Variants in TNFRSF10B observed in about 807,000 individuals in gnomAD.
TNFRSF10B encodes the protein tumor necrosis factor receptor superfamily member 10B.
A neutral mutation model predicts 41.4 loss-of-function variants in TNFRSF10B; 35 were observed. That is an observed-to-expected ratio of 0.85 (90% CI 0.65 to 1.12). The LOEUF is 1.12. Ranked by LOEUF, TNFRSF10B falls within the 50% of genes most tolerant of loss-of-function variation. The pLI is 0.00. For synonymous variants in TNFRSF10B, 230 were observed against 215.5 expected, an observed-to-expected ratio of 1.07 and a Z score of -0.59; for missense variants, 584 against 552.7, an observed-to-expected ratio of 1.06 and a Z score of -0.57.
rs750099768 is a variant in TNFRSF10B at position 23,043,189 on chromosome 8, C to T, written c.199G>A (p.Ala67Thr). ...TQQDLAPQQR[A>T]APQQKRSSPS... The stretch of plus-strand genomic sequence containing the variant: ...CTGGACCTCTTTTGTTGTGGGGCCG[C>T]TCTCTGCTGGGGAGCTAGGTCTTGT... The change falls in exon 2 of 9, where the codon GCG becomes ACG. Residue 67 changes from alanine (A) to threonine (T), a missense_variant. Ala to Thr is a moderately conservative substitution (Grantham distance 58, BLOSUM62 0). Transcript: ENST00000276431. 1.2e-6 allele frequency: 2 copies of T among 1,614,124 alleles called. No individual in the cohort carries two copies. Among genetic ancestry groups the T allele is most frequent in the South Asian group, 1.1e-5 (1 of 91,074 alleles).
At chr8:23,044,167 TTAACTCAAAATGGATCCAAAATC>T (rs1812287560) in intron 1 of TNFRSF10B, among the ~76,000 whole-genome samples, 1 of 152,134 alleles carries the variant, frequency 6.6e-6, no homozygotes, top group Non-Finnish European at 1.5e-5. Flanking sequence ...TATACAAAAA[TTAACTCAAAATGGATCCAAAATC>T]TAACATAAAA....
intron 2 of TNFRSF10B, among the ~76,000 whole-genome samples, chr8:23,040,589 G>A (rs866121654): frequency 6.6e-6 from 1 of 150,706 alleles, no homozygotes; most frequent in African/African-American, 2.4e-5. Flanking sequence ...TGATAAGGGA[G>A]GAACAAAATA....
chr8:23,046,650 C>A (rs537798483), intron 1 of TNFRSF10B, among the ~76,000 whole-genome samples: 1 of 146,320 alleles, frequency 6.8e-6, no homozygotes, highest in Non-Finnish European at 1.5e-5. Context: ...ATAGCCAAGG[C>A]AATCATGATC....
rs553083921 is a variant in TNFRSF10B, at chr8:23,020,553, G to A, written c.*2118C>T. 14 of 445,654 alleles carry A rather than the reference G, an allele frequency of 3.1e-5. No homozygotes were observed. The highest frequency in any genetic ancestry group is 1.3e-4 in the South Asian group (8 of 63,590). The allele number at this position is 445,654 out of a possible 1,614,324, so 27.6% of individuals were successfully genotyped here. On this transcript the variant is annotated 3_prime_UTR_variant, in exon 9 of 9. Transcript: ENST00000276431. ...CTAAAAATACAAAAATTAGCCAGGCGTGGTGGCGGGTGCCTGCAATCCCAG... is the reference window on the plus strand; with the variant it reads ...CTAAAAATACAAAAATTAGCCAGGCATGGTGGCGGGTGCCTGCAATCCCAG...
rs1811630831 is a variant in TNFRSF10B at position 23,024,190 on chromosome 8, T to TCA, written c.1005_1006dup (p.Glu336ValfsTer4). On this transcript the variant is annotated frameshift_variant, in exon 8 of 9. Coordinates refer to ENST00000276431, the MANE Select transcript of TNFRSF10B (RefSeq NM_003842.5). LOFTEE classifies it low-confidence loss of function (END_TRUNC). ...ATCTCCAGGAGCAAAACACTTACTC[T>TCA]CAGTGGGATCACCTTCATTTGCTGG... 1 of 1,613,996 alleles carries TCA rather than the reference T, an allele frequency of 6.2e-7. No homozygotes were observed. The highest frequency in any genetic ancestry group is 8.5e-7 in the Non-Finnish European group (1 of 1,180,004).
At chr8:23,068,544 C>T in intron 1 of TNFRSF10B, 1 of 697,998 alleles carries the variant, frequency 1.4e-6, no homozygotes, top group Non-Finnish European at 2.3e-6. Context: ...GTGGAGCGCG[C>T]GCTCTGTTCC....
intron 1 of TNFRSF10B, among the ~76,000 whole-genome samples, chr8:23,051,762 C>G (rs1380647252): frequency 6.6e-6 from 1 of 152,062 alleles, no homozygotes; most frequent in Non-Finnish European, 1.5e-5. Flanking sequence ...CCAGGATGGT[C>G]TCCATCTCCT....
chr8:23,060,843 C>T (rs898546236), intron 1 of TNFRSF10B, among the ~76,000 whole-genome samples: 2 of 151,968 alleles, frequency 1.3e-5, no homozygotes, highest in Non-Finnish European at 2.9e-5. Context: ...ACTAGTCTTC[C>T]ACCTCCTTGG....
intron 1 of TNFRSF10B, among the ~76,000 whole-genome samples, chr8:23,061,718 A>G (rs186049431): frequency 5.9e-4 from 90 of 152,188 alleles, no homozygotes; most frequent in African/African-American, 2.0e-3. Context: ...TTCTATTCTT[A>G]GTTTGCTGGG....
intron 2 of TNFRSF10B, among the ~76,000 whole-genome samples, chr8:23,039,195 T>C (rs1330884873): frequency 6.6e-6 from 1 of 152,050 alleles, no homozygotes; most frequent in African/African-American, 2.4e-5. Context: ...TTTGACGGCA[T>C]GCAGAGCTCG....
At chr8:23,063,114 C>T (rs1034027175) in intron 1 of TNFRSF10B, among the ~76,000 whole-genome samples, 5 of 152,048 alleles carry the variant, frequency 3.3e-5, no homozygotes, top group African/African-American at 1.2e-4. Flanking sequence ...TTTGGGAGGC[C>T]AAGGCGGTGG....
chr8:23,063,037 C>T (rs1390145857), intron 1 of TNFRSF10B, among the ~76,000 whole-genome samples: 1 of 152,128 alleles, frequency 6.6e-6, no homozygotes, highest in Non-Finnish European at 1.5e-5. Flanking sequence ...TCCTGATGAT[C>T]TTCCTTCTTT....
At position 23,028,330 on chromosome 8, in the gene TNFRSF10B, C is replaced by T. The variant is rs41308110; in HGVS notation, c.748+1G>A. On this transcript the variant is annotated splice_donor_variant, in intron 5 of 8. Coordinates refer to ENST00000276431, the MANE Select transcript of TNFRSF10B (RefSeq NM_003842.5). LOFTEE classifies it high-confidence loss of function. ...TGCCCCCGCCCTCAGCCAGCACCTACCTGAGCAGATGCCTTTCAGGTAAGG... is the reference window on the plus strand; with the variant it reads ...TGCCCCCGCCCTCAGCCAGCACCTATCTGAGCAGATGCCTTTCAGGTAAGG... 1,061 of 1,613,946 alleles carry T rather than the reference C, an allele frequency of 6.6e-4. 1 individual carries two copies. Among genetic ancestry groups the T allele is most frequent in the Non-Finnish European group, 8.2e-4 (970 of 1,180,016 alleles).
chr8:23,044,860 A>C (rs535726923), intron 1 of TNFRSF10B, among the ~76,000 whole-genome samples: 73 of 152,178 alleles, frequency 4.8e-4, no homozygotes, highest in African/African-American at 1.6e-3. Flanking sequence ...AATAAATGAA[A>C]TCACTAAACT....
At chr8:23,066,119 C>T (rs1812973369) in intron 1 of TNFRSF10B, among the ~76,000 whole-genome samples, 2 of 151,988 alleles carry the variant, frequency 1.3e-5, no homozygotes, top group South Asian at 2.1e-4. Context: ...CCCGTCTCTA[C>T]TAAAAATACA....
chr8:23,028,964 C>T (rs1023705057), intron 4 of TNFRSF10B, among the ~76,000 whole-genome samples: 2 of 152,218 alleles, frequency 1.3e-5, no homozygotes, highest in Admixed American at 6.5e-5. Flanking sequence ...GTCTTCCAGT[C>T]AACCACAAAA....
chr8:23,027,702 T>C lies in TNFRSF10B; in HGVS notation c.780+20A>G. 5 of 1,613,914 alleles carry C rather than the reference T, an allele frequency of 3.1e-6. No homozygotes were observed. Among genetic ancestry groups the C allele is most frequent in the South Asian group, 1.1e-5 (1 of 91,078 alleles). On this transcript the variant is annotated intron_variant, in intron 6 of 8. Transcript: ENST00000276431. ...GTTCCTGAACCCCTGAGCCCCCAGCTCCTGGAGAAATCAACTCACTCTGTC... is the reference window on the plus strand; with the variant it reads ...GTTCCTGAACCCCTGAGCCCCCAGCCCCTGGAGAAATCAACTCACTCTGTC...
Position 23,028,518 on chromosome 8 carries a change from G to C in TNFRSF10B, c.561C>G (p.His187Gln), listed in dbSNP as rs755611098. Residue 187 changes from histidine to glutamine, a missense_variant, in exon 5 of 9, where the codon CAC becomes CAG. By Grantham distance (24) the His-to-Gln change is conservative (BLOSUM62 0). Coordinates refer to ENST00000276431, the MANE Select transcript of TNFRSF10B (RefSeq NM_003842.5). ...CCTCCACAGCTGGGACTTCCCCACT[G>C]TGCTTTGTACCTGATTCTTTGTGGA... ...ECVHKESGTK[H>Q]SGEVPAVEET... 5.2e-5 allele frequency: 84 copies of C among 1,613,990 alleles called. 1 individual carries two copies. Among genetic ancestry groups the C allele is most frequent in the Non-Finnish European group, 6.8e-5 (80 of 1,179,998 alleles).
At chr8:23,027,787 A>C in intron 5 of TNFRSF10B, 34 bp from the exon 6 acceptor site, 9 of 1,613,694 alleles carry the variant, frequency 5.6e-6, no homozygotes, top group Non-Finnish European at 7.6e-6. Flanking sequence ...GCAGGAAGGG[A>C]GGGGCCCATG....
Sources: gnomAD v4.1 joint callset for allele counts (sites outside exome capture counted in the v4.1 genomes callset) on GRCh38, gnomAD v4.1.1 for gene constraint, MANE v1.5 for transcripts, NCBI Gene and HGNC (gene_info 2026-07-23, HGNC 2026-07-21) for gene names.